The following APP variants were observed in gnomAD, a reference collection of about 807,000 sequenced individuals.
APP encodes amyloid-beta precursor protein.
In APP, 31 loss-of-function variants were observed where a neutral mutation model predicts 101.4. The ratio of observed to expected loss-of-function variants is 0.31; its 90% CI spans 0.23 to 0.41. The LOEUF (loss-of-function observed/expected upper bound fraction) is 0.41. APP is among the 10% of genes least tolerant of loss of function. APP has a pLI of 1.00. For synonymous variants in APP, 366 were observed against 364.4 expected (o/e 1.00, Z -0.05); for missense variants, 839 against 1,003.7 (o/e 0.84, Z 2.22).
At chr21:25,988,305 G>A (rs1601125140) in intron 8 of APP, among the ~76,000 whole-genome samples, 1 of 152,336 alleles carries the variant, frequency 6.6e-6, no homozygotes, top group East Asian at 1.9e-4. Flanking sequence ...AGGATTCTGA[G>A]GGACCAGCGT....
intron 1 of APP, among the ~76,000 whole-genome samples, chr21:26,134,952 G>A (rs1480388813): frequency 6.6e-6 from 1 of 152,096 alleles, no homozygotes; most frequent in Non-Finnish European, 1.5e-5. Flanking sequence ...AAATATCCAA[G>A]GTATCCACAT....
chr21:25,913,950 C>T (rs537534892), intron 13 of APP, among the ~76,000 whole-genome samples: 88 of 152,236 alleles, frequency 5.8e-4, no homozygotes, highest in Non-Finnish European at 1.1e-3. Flanking sequence ...GCTTTGACTT[C>T]TCCCTCCCAC....
In APP at chr21:26,093,265, TA is replaced by T. The variant is rs1187898153; in HGVS notation, c.226-3194del. ...ACAAAGCTGCAGCACTCATGAGTCA[TA>T]AACTGTATGACACCTGAGAGTCCAC... On this transcript the variant is annotated intron_variant, in intron 2 of 17. Transcript: ENST00000346798. Among the ~76,000 whole-genome samples the T allele has an allele frequency of 2.0e-5, 3 of 152,274 alleles. No individual in the cohort carries two copies. The East Asian group carries it at 5.8e-4, about 29-fold the overall frequency.
intron 13 of APP, among the ~76,000 whole-genome samples, chr21:25,926,575 T>C (rs1401987684): frequency 6.6e-6 from 1 of 152,100 alleles, no homozygotes; most frequent in Non-Finnish European, 1.5e-5. Flanking sequence ...CCACTGACAG[T>C]TGAACAAACT....
At chr21:26,149,307 C>T (rs146980012) in intron 1 of APP, among the ~76,000 whole-genome samples, 2 of 152,286 alleles carry the variant, frequency 1.3e-5, no homozygotes, top group Non-Finnish European at 2.9e-5. Flanking sequence ...AGCTCCCTCC[C>T]AGCTGGGGAT....
chr21:25,982,534 T>G, intron 8 of APP, 57 bp from the exon 9 acceptor site: 1 of 1,539,052 alleles, frequency 6.5e-7, no homozygotes, highest in African/African-American at 1.4e-5. Flanking sequence ...AACAGAATAA[T>G]CCACTCGTTT....
intron 1 of APP, among the ~76,000 whole-genome samples, chr21:26,124,200 T>C (rs559355404): frequency 2.4e-4 from 36 of 152,260 alleles, no homozygotes; most frequent in Non-Finnish European, 4.6e-4. Flanking sequence ...TGTGGAACAA[T>C]ACAAAATAAA....
intron 2 of APP, among the ~76,000 whole-genome samples, chr21:26,092,137 T>C (rs982209595): frequency 6.6e-6 from 1 of 152,196 alleles, no homozygotes; most frequent in Non-Finnish European, 1.5e-5. Flanking sequence ...AGTTGATATT[T>C]TGTTCATCAT....
At chr21:26,139,158 A>C (rs185401504) in intron 1 of APP, among the ~76,000 whole-genome samples, 2 of 152,214 alleles carry the variant, frequency 1.3e-5, no homozygotes, top group Non-Finnish European at 2.9e-5. Context: ...TAAGTAAATA[A>C]GTAAAAAAAA....
chr21:26,106,195 C>T (rs1435716367), intron 2 of APP, among the ~76,000 whole-genome samples: 1 of 152,150 alleles, frequency 6.6e-6, no homozygotes, highest in Non-Finnish European at 1.5e-5. Flanking sequence ...GGAGTAAACA[C>T]ACAGCAGGAA....
At chr21:25,916,061 T>TG (rs976783071) in intron 13 of APP, among the ~76,000 whole-genome samples, 11 of 151,854 alleles carry the variant, frequency 7.2e-5, no homozygotes, top group African/African-American at 2.7e-4. Flanking sequence ...TAACCACCCC[T>TG]GGCTATGTCA....
chr21:25,884,722 C>A (rs1185012730), intron 17 of APP, among the ~76,000 whole-genome samples: 1 of 152,194 alleles, frequency 6.6e-6, no homozygotes, highest in Non-Finnish European at 1.5e-5. Flanking sequence ...CTTAGGAGAT[C>A]AAGCACAAAG....
chr21:26,089,781 A>G, intron 3 of APP, 162 bp downstream of exon 3: 1 of 961,624 alleles, frequency 1.0e-6, no homozygotes, highest in East Asian at 2.6e-5. Context: ...CTATAGGGTC[A>G]GTGCACAGAA....
chr21:26,007,482 TAATAC>T (rs2043588096), intron 6 of APP, among the ~76,000 whole-genome samples: 1 of 147,942 alleles, frequency 6.8e-6, no homozygotes, highest in Admixed American at 6.8e-5. Context: ...TATAATTATA[TAATAC>T]AATATACAAT....
intron 1 of APP, among the ~76,000 whole-genome samples, chr21:26,159,832 A>G (rs1016272575): frequency 6.6e-6 from 1 of 152,214 alleles, no homozygotes; most frequent in Admixed American, 6.5e-5. Context: ...GTGTCCCTAC[A>G]ATATGACCCA....
At chr21:25,944,397 G>A (rs981391307) in intron 13 of APP, among the ~76,000 whole-genome samples, 1 of 152,180 alleles carries the variant, frequency 6.6e-6, no homozygotes, top group African/African-American at 2.4e-5. Context: ...TATTTTTGAT[G>A]AGATATTATA....
intron 6 of APP, among the ~76,000 whole-genome samples, chr21:26,020,946 GA>G (rs1233068773): frequency 6.6e-6 from 1 of 151,302 alleles, no homozygotes; most frequent in Non-Finnish European, 1.5e-5. Flanking sequence ...TTTACTTCTT[GA>G]AGAAAGCACT....
At chr21:26,077,775 G>GAAAAAAA (rs796489181) in intron 3 of APP, among the ~76,000 whole-genome samples, 4 of 86,956 alleles carry the variant, frequency 4.6e-5, no homozygotes, top group Admixed American at 2.6e-4. Flanking sequence ...ACAGGAGAAG[G>GAAAAAAA]AAAAAAAAAA....
chr21:25,977,240 T>C (rs908600621), intron 9 of APP, among the ~76,000 whole-genome samples: 1 of 152,212 alleles, frequency 6.6e-6, no homozygotes, highest in Non-Finnish European at 1.5e-5. Flanking sequence ...AAAGAAAATA[T>C]TAACTTCCTA....
Sources: gnomAD v4.1 joint callset for allele counts (sites outside exome capture counted in the v4.1 genomes callset) on GRCh38, gnomAD v4.1.1 for gene constraint, MANE v1.5 for transcripts, NCBI Gene and HGNC (gene_info 2026-07-23, HGNC 2026-07-21) for gene names.